ARHGAP10: variants seen among roughly 807,000 people sequenced by gnomAD.
The protein encoded by ARHGAP10 is rho GTPase-activating protein 10.
ARHGAP10 carries 87 observed loss-of-function variants against 108.6 expected under a neutral mutation model. That is an observed-to-expected ratio of 0.80 (90% CI 0.67 to 0.96). The LOEUF (loss-of-function observed/expected upper bound fraction) is 0.96, where lower values mean the gene tolerates loss of function less well. Among genes scored for constraint, ARHGAP10 ranks in the 40% least tolerant of loss-of-function variants. The pLI, the probability that ARHGAP10 is intolerant of heterozygous loss-of-function variation, is 0.00. For synonymous variants in ARHGAP10, 347 were observed against 341.1 expected (o/e 1.02, Z -0.19); for missense variants, 939 against 954.5 (o/e 0.98, Z 0.21).
chr4:147,806,738 G>A (rs1731801516), intron 1 of ARHGAP10, among the ~76,000 whole-genome samples: 1 of 152,126 alleles, frequency 6.6e-6, no homozygotes, highest in Non-Finnish European at 1.5e-5. Context: ...ATGTCATTCT[G>A]TTGCCCAGGC....
chr4:147,919,962 T>C (rs922104548), intron 13 of ARHGAP10, among the ~76,000 whole-genome samples: 1 of 152,140 alleles, frequency 6.6e-6, no homozygotes, highest in Non-Finnish European at 1.5e-5. Context: ...TAGGATTCTT[T>C]AAATTTCCGC....
intron 1 of ARHGAP10, among the ~76,000 whole-genome samples, chr4:147,788,329 C>T (rs1241987739): frequency 6.6e-6 from 1 of 152,068 alleles, no homozygotes; most frequent in African/African-American, 2.4e-5. Flanking sequence ...CGCCTGTAAT[C>T]TCAGCTACTC....
Position 147,798,242 on chromosome 4 carries a change from G to C in ARHGAP10, c.155-24485G>C, listed in dbSNP as rs2126756011. On this transcript the variant is annotated intron_variant, in intron 1 of 22. Transcript: ENST00000336498. ...TTTGAAATTTTCTCTGATCATGGCAGCCCAAAATATCGGTACCTGCCTCTG... is the reference window on the plus strand; with the variant it reads ...TTTGAAATTTTCTCTGATCATGGCACCCCAAAATATCGGTACCTGCCTCTG... Among the ~76,000 whole-genome samples, 2 of 151,838 alleles carry C rather than the reference G, an allele frequency of 1.3e-5. 1 individual carries two copies. The highest frequency in any genetic ancestry group is 2.9e-5 in the Non-Finnish European group (2 of 67,992).
At chr4:147,870,172 C>T (rs905508018) in intron 7 of ARHGAP10, among the ~76,000 whole-genome samples, 2 of 151,724 alleles carry the variant, frequency 1.3e-5, no homozygotes, top group Non-Finnish European at 2.9e-5. Flanking sequence ...TGCCTGTAGT[C>T]CTAGTTCATG....
At chr4:147,853,634 C>G (rs10007231) in intron 4 of ARHGAP10, among the ~76,000 whole-genome samples, 19,752 of 152,108 alleles carry the variant, frequency 0.13, 1,368 homozygotes, top group African/African-American at 0.19. Context: ...TTGCAAAAAA[C>G]TGCTTAATGA....
chr4:147,964,927 T>TA, intron 16 of ARHGAP10, 97 bp from the exon 17 acceptor site: 1 of 808,086 alleles, frequency 1.2e-6, no homozygotes, highest in Non-Finnish European at 1.8e-6. Context: ...GGAGCTGTTG[T>TA]CATTGTCTTG....
intron 13 of ARHGAP10, among the ~76,000 whole-genome samples, chr4:147,924,742 T>A (rs1017612702): frequency 6.2e-5 from 9 of 145,604 alleles, no homozygotes; most frequent in Non-Finnish European, 1.3e-4. Flanking sequence ...CCTTATTAAC[T>A]CTGCCTGTAA....
At chr4:147,838,473 TA>T (rs60333839) in intron 3 of ARHGAP10, among the ~76,000 whole-genome samples, 24,593 of 147,988 alleles carry the variant, frequency 0.17, 2,560 homozygotes, top group African/African-American at 0.31. Context: ...CCTTGTCTCT[TA>T]AAAAAAAAAC....
Position 147,879,960 on chromosome 4 carries a change from A to G in ARHGAP10, c.939+622A>G, listed in dbSNP as rs116875185. Reference sequence around the variant, plus strand: ...GCCTGAAAACAAAGAAGAGTGATCTACGATAAATTTTACTGTTGTTCTGTT... The same window carrying G: ...GCCTGAAAACAAAGAAGAGTGATCTGCGATAAATTTTACTGTTGTTCTGTT... On this transcript the variant is annotated intron_variant, in intron 9 of 22. Coordinates refer to ENST00000336498, the MANE Select transcript of ARHGAP10 (RefSeq NM_024605.4). Among the ~76,000 whole-genome samples the G allele has an allele frequency of 2.1e-3, 323 of 152,348 alleles. 3 individuals carry two copies. Among genetic ancestry groups the G allele is most frequent in the East Asian group, 0.02 (105 of 5,184 alleles).
At chr4:147,858,088 T>G (rs572093590) in intron 5 of ARHGAP10, 3 of 152,346 alleles carry the variant, frequency 2.0e-5, no homozygotes, top group Non-Finnish European at 2.9e-5. Flanking sequence ...AGGTTCAACT[T>G]TGTTGGAAAG....
At chr4:147,813,669 T>A (rs1223969591) in intron 1 of ARHGAP10, among the ~76,000 whole-genome samples, 1 of 152,110 alleles carries the variant, frequency 6.6e-6, no homozygotes, top group Non-Finnish European at 1.5e-5. Context: ...AGAAGCCAAG[T>A]TAGGTTAATG....
intron 1 of ARHGAP10, among the ~76,000 whole-genome samples, chr4:147,777,676 T>C (rs183313052): frequency 1.2e-3 from 188 of 152,332 alleles, no homozygotes; most frequent in Non-Finnish European, 2.4e-3. Flanking sequence ...TAAGGGTGAC[T>C]CATGTCTGTG....
At chr4:147,815,478 G>C (rs28449206) in intron 1 of ARHGAP10, among the ~76,000 whole-genome samples, 1 of 152,204 alleles carries the variant, frequency 6.6e-6, no homozygotes, top group Admixed American at 6.5e-5. Context: ...GAGGCGGGGG[G>C]CGGGGGGAGG....
intron 10 of ARHGAP10, among the ~76,000 whole-genome samples, chr4:147,905,231 G>A (rs1736434803): frequency 1.3e-5 from 2 of 151,862 alleles, no homozygotes; most frequent in Admixed American, 1.3e-4. Flanking sequence ...AAGCTCTTCA[G>A]TTTAATTAGA....
intron 13 of ARHGAP10, among the ~76,000 whole-genome samples, chr4:147,921,044 G>A (rs1327234314): frequency 6.6e-6 from 1 of 152,212 alleles, no homozygotes; most frequent in Non-Finnish European, 1.5e-5. Context: ...AACTAATATT[G>A]GTAGTCATGC....
At chr4:147,752,853 C>T (rs906172352) in intron 1 of ARHGAP10, among the ~76,000 whole-genome samples, 1 of 152,118 alleles carries the variant, frequency 6.6e-6, no homozygotes, top group Non-Finnish European at 1.5e-5. Flanking sequence ...CTGATCTGGG[C>T]CTTTGATTAA....
At chr4:147,769,704 A>G (rs1729995171) in intron 1 of ARHGAP10, among the ~76,000 whole-genome samples, 1 of 152,180 alleles carries the variant, frequency 6.6e-6, no homozygotes, top group Non-Finnish European at 1.5e-5. Flanking sequence ...AAAGTTGGGC[A>G]TCTGTTTGAG....
chr4:148,067,122 G>A (rs1294275449), intron 22 of ARHGAP10, among the ~76,000 whole-genome samples: 2 of 152,210 alleles, frequency 1.3e-5, no homozygotes, highest in Admixed American at 6.5e-5. Context: ...GGATGTGAGC[G>A]TCTCATTTAA....
chr4:147,957,161 C>G (rs1738816604), intron 16 of ARHGAP10, among the ~76,000 whole-genome samples: 2 of 152,108 alleles, frequency 1.3e-5, no homozygotes, highest in Admixed American at 1.3e-4. Context: ...AATACTGTTT[C>G]TACTGTAATC....
Sources: gnomAD v4.1 joint callset for allele counts (sites outside exome capture counted in the v4.1 genomes callset) on GRCh38, gnomAD v4.1.1 for gene constraint, MANE v1.5 for transcripts, NCBI Gene and HGNC (gene_info 2026-07-23, HGNC 2026-07-21) for gene names.